The following SLIT3 variants were observed in gnomAD, a reference collection of about 807,000 sequenced individuals.
SLIT3 encodes the protein slit homolog 3 protein.
In SLIT3, 68 loss-of-function variants were observed where a neutral mutation model predicts 184.0. The observed-to-expected ratio is 0.37, with a 90% CI of 0.30 to 0.45. The LOEUF is 0.45. Ranked by LOEUF, SLIT3 falls within the 20% of genes least tolerant of loss-of-function variation. The pLI, the probability that SLIT3 is intolerant of heterozygous loss-of-function variation, is 1.00. For missense variants in SLIT3, 1,707 were observed against 2,026.0 expected (o/e 0.84, Z 3.02); for synonymous variants, 831 against 828.6 (o/e 1.00, Z -0.05).
At chr5:168,858,504 A>C (rs188992703) in intron 5 of SLIT3, among the ~76,000 whole-genome samples, 83 of 152,376 alleles carry the variant, frequency 5.4e-4, no homozygotes, top group Admixed American at 3.8e-3. Flanking sequence ...CCTTGTTTCC[A>C]GATCAAATGT....
chr5:168,853,199 C>G (rs1758736595), intron 5 of SLIT3, among the ~76,000 whole-genome samples: 1 of 152,118 alleles, frequency 6.6e-6, no homozygotes, highest in Non-Finnish European at 1.5e-5. Flanking sequence ...ATTTCTCCTG[C>G]TATTACAAGA....
chr5:168,737,305 G>C (rs1332444504), intron 20 of SLIT3, among the ~76,000 whole-genome samples: 1 of 152,120 alleles, frequency 6.6e-6, no homozygotes, highest in Non-Finnish European at 1.5e-5. Flanking sequence ...AACCCACACA[G>C]TGCCAGGCCA....
At chr5:168,985,934 T>A (rs1249422047) in intron 4 of SLIT3, among the ~76,000 whole-genome samples, 1 of 152,110 alleles carries the variant, frequency 6.6e-6, no homozygotes, top group Non-Finnish European at 1.5e-5. Context: ...TCCCAAGCTT[T>A]TCAGACCCAT....
intron 3 of SLIT3, among the ~76,000 whole-genome samples, chr5:169,217,838 A>G (rs1223350476): frequency 6.6e-6 from 1 of 152,222 alleles, no homozygotes; most frequent in Non-Finnish European, 1.5e-5. Context: ...TTGAGACAAA[A>G]AGACAATATT....
chr5:169,026,037 T>C (rs564577192), intron 4 of SLIT3, among the ~76,000 whole-genome samples: 2 of 152,292 alleles, frequency 1.3e-5, no homozygotes, highest in South Asian at 4.1e-4. Flanking sequence ...TGGCATCCAT[T>C]AGCCTTTGAC....
intron 1 of SLIT3, among the ~76,000 whole-genome samples, chr5:169,259,203 G>A (rs532852011): frequency 1.3e-5 from 2 of 152,234 alleles, no homozygotes; most frequent in African/African-American, 4.8e-5. Flanking sequence ...GGGATTACAG[G>A]TGCCATCACC....
chr5:169,134,935 A>G (rs1236782122), intron 4 of SLIT3, among the ~76,000 whole-genome samples: 1 of 152,214 alleles, frequency 6.6e-6, no homozygotes, highest in Non-Finnish European at 1.5e-5. Flanking sequence ...GGCAGAGCAC[A>G]GCTGTCTTGC....
At chr5:169,280,476 C>G (rs991927533) in intron 1 of SLIT3, among the ~76,000 whole-genome samples, 1 of 152,184 alleles carries the variant, frequency 6.6e-6, no homozygotes, top group Non-Finnish European at 1.5e-5. Context: ...AGCACACACA[C>G]CAGCTGGCCC....
intron 4 of SLIT3, among the ~76,000 whole-genome samples, chr5:168,909,095 G>A (rs1384141124): frequency 6.6e-6 from 1 of 152,170 alleles, no homozygotes; most frequent in Non-Finnish European, 1.5e-5. Flanking sequence ...ATTCCCACAG[G>A]CCTGCGTCCT....
intron 4 of SLIT3, among the ~76,000 whole-genome samples, chr5:168,915,017 T>C (rs1761387745): frequency 1.3e-5 from 2 of 152,186 alleles, no homozygotes; most frequent in African/African-American, 4.8e-5. Context: ...TTCATAATAA[T>C]ACTCTAAATG....
intron 1 of SLIT3, among the ~76,000 whole-genome samples, chr5:169,286,266 C>A (rs188212748): frequency 1.5e-3 from 225 of 152,262 alleles, no homozygotes; most frequent in African/African-American, 5.2e-3. Context: ...ACCTACAAAG[C>A]CCCAAGCCAA....
chr5:169,072,298 C>T (rs758069388), intron 4 of SLIT3, among the ~76,000 whole-genome samples: 12 of 152,160 alleles, frequency 7.9e-5, no homozygotes, highest in Non-Finnish European at 1.6e-4. Context: ...GATTTATCTT[C>T]AATGTACTAC....
At chr5:168,739,695 C>T (rs1763558723) in intron 20 of SLIT3, among the ~76,000 whole-genome samples, 1 of 152,202 alleles carries the variant, frequency 6.6e-6, no homozygotes. Context: ...ATCCACCCAC[C>T]TCGGCCTCCC....
chr5:168,768,371 G>A lies in SLIT3; in HGVS notation c.1459+4410C>T, dbSNP rs1390918496. 1.1e-5 allele frequency: 5 copies of A among 453,598 alleles called. No individual in the cohort carries two copies. The Admixed American group carries it at 1.2e-4, about 11-fold the overall frequency. 28.1% of individuals were successfully genotyped at this position (453,598 alleles called of 1,614,324 possible). ...TGAGCGTGATTAGTATCAGGAGTGG[G>A]GTTCCACTGGAACACTTCCGAAGAT... On this transcript the variant is annotated intron_variant, in intron 14 of 35. Coordinates refer to ENST00000519560, the MANE Select transcript of SLIT3 (RefSeq NM_003062.4).
At chr5:168,861,570 T>G (rs887834576) in intron 5 of SLIT3, among the ~76,000 whole-genome samples, 1 of 152,084 alleles carries the variant, frequency 6.6e-6, no homozygotes, top group Non-Finnish European at 1.5e-5. Context: ...GAAATCTAAT[T>G]GCATTAAGGA....
chr5:169,134,953 T>C (rs1761448215), intron 4 of SLIT3, among the ~76,000 whole-genome samples: 1 of 152,216 alleles, frequency 6.6e-6, no homozygotes, highest in African/African-American at 2.4e-5. Flanking sequence ...TGCTCACCAC[T>C]ATATATCCAG....
chr5:169,192,421 CTCTG>C (rs1554105910), intron 4 of SLIT3, among the ~76,000 whole-genome samples: 6 of 111,416 alleles, frequency 5.4e-5, no homozygotes, highest in African/African-American at 1.7e-4. Context: ...TGTATATAGT[CTCTG>C]TGTGTGTGTG....
rs114713296 is a variant in SLIT3, at chr5:168,768,455, C to T, written c.1459+4326G>A. On this transcript the variant is annotated intron_variant, in intron 14 of 35. Coordinates refer to ENST00000519560, the MANE Select transcript of SLIT3 (RefSeq NM_003062.4). ...GAGACACAGTAGGAAGGGAGAAGAA[C>T]GGGAGGGAAATCACTGGATGCCCAT... Among the ~76,000 whole-genome samples the T allele has an allele frequency of 5.0e-3, 756 of 152,144 alleles. 3 individuals carry two copies. The highest frequency in any genetic ancestry group is 8.6e-3 in the Non-Finnish European group (582 of 68,004).
intron 20 of SLIT3, among the ~76,000 whole-genome samples, chr5:168,735,707 T>C (rs922301588): frequency 8.3e-6 from 1 of 121,114 alleles, no homozygotes; most frequent in Admixed American, 8.1e-5. Context: ...CACACACACA[T>C]CTCCATCCAA....
Sources: allele counts gnomAD v4.1 joint callset (sites outside exome capture counted in the v4.1 genomes callset), GRCh38; gene constraint gnomAD v4.1.1; transcripts MANE v1.5; gene names NCBI Gene and HGNC (gene_info 2026-07-23, HGNC 2026-07-21).